Variants in TACC2 observed in about 807,000 individuals in gnomAD.
TACC2 encodes the protein transforming acidic coiled-coil-containing protein 2.
A neutral mutation model predicts 227.3 loss-of-function variants in TACC2; 137 were observed. The observed-to-expected ratio is 0.60, with a 90% CI of 0.52 to 0.69. TACC2 has a LOEUF of 0.69. TACC2 is among the 30% of genes least tolerant of loss of function. TACC2 has a pLI of 0.00. For synonymous variants in TACC2, 1,523 were observed against 1,487.5 expected (o/e 1.02, Z -0.55); for missense variants, 3,470 against 3,694.4 (o/e 0.94, Z 1.57).
At chr10:122,134,446 T>C (rs1565398863) in intron 6 of TACC2, among the ~76,000 whole-genome samples, 1 of 152,192 alleles carries the variant, frequency 6.6e-6, no homozygotes, top group Non-Finnish European at 1.5e-5. Context: ...CCCAAAGTGC[T>C]GGGATTACAG....
At chr10:122,249,295 G>C (rs541317883) in intron 21 of TACC2, 139 bp downstream of exon 21, 2 of 738,680 alleles carry the variant, frequency 2.7e-6, no homozygotes, top group East Asian at 2.7e-5. Flanking sequence ...AATAAGACTC[G>C]AGAGAAGGCA....
chr10:122,097,280 G>T (rs2081553053), intron 5 of TACC2, among the ~76,000 whole-genome samples: 1 of 152,180 alleles, frequency 6.6e-6, no homozygotes, highest in Non-Finnish European at 1.5e-5. Context: ...AGTGAGCCAA[G>T]GTCATACCAC....
At chr10:122,067,113 T>C (rs533231398) in intron 3 of TACC2, among the ~76,000 whole-genome samples, 2 of 152,368 alleles carry the variant, frequency 1.3e-5, no homozygotes, top group South Asian at 4.1e-4. Context: ...TTTACTTGCA[T>C]AGTTACCATT....
chr10:122,219,311 C>T lies in TACC2; in HGVS notation c.7546+2483C>T, dbSNP rs187616156. 1.1e-4 allele frequency among the ~76,000 whole-genome samples: 16 copies of T among 152,106 alleles called. No individual in the cohort carries two copies. In the East Asian group the frequency reaches 3.1e-3, roughly 30 times the overall value. On this transcript the variant is annotated intron_variant, in intron 11 of 22. Transcript: ENST00000369005. Reference sequence around the variant, plus strand: ...CCTTTCCCTGGAATTCCGCTCCTGGCTCTGCCCGCCTTCAGTGCTTGATCT... The same window carrying T: ...CCTTTCCCTGGAATTCCGCTCCTGGTTCTGCCCGCCTTCAGTGCTTGATCT...
At chr10:122,105,204 T>C (rs2082610232) in intron 5 of TACC2, among the ~76,000 whole-genome samples, 1 of 152,064 alleles carries the variant, frequency 6.6e-6, no homozygotes, top group African/African-American at 2.4e-5. Context: ...AACTTTGATT[T>C]AGACTCCCAG....
At chr10:122,001,059 G>A (rs140351509) in intron 1 of TACC2, among the ~76,000 whole-genome samples, 20,990 of 152,198 alleles carry the variant, frequency 0.14, 2,082 homozygotes, top group African/African-American at 0.28. Flanking sequence ...CTGACCTCTG[G>A]TCATCCACCT....
At position 122,154,487 on chromosome 10, in the gene TACC2, G is replaced by A. The variant is rs1269766623; in HGVS notation, c.5834+10781G>A. ...GCCAAACTGATGCCTAATAGCCTCT[G>A]CAGGCTGTTAGGAAACCTTGTCATG... On this transcript the variant is annotated intron_variant, in intron 7 of 22. Transcript: ENST00000369005. Among the ~76,000 whole-genome samples the A allele has an allele frequency of 5.9e-5, 9 of 152,358 alleles. No individual in the cohort carries two copies. The South Asian group carries it at 1.5e-3, about 25-fold the overall frequency.
chr10:122,058,856 G>T (rs939591540), intron 3 of TACC2, among the ~76,000 whole-genome samples: 3 of 150,640 alleles, frequency 2.0e-5, no homozygotes, highest in African/African-American at 7.3e-5. Context: ...GTGAGAGCTA[G>T]GCCATGCGTG....
chr10:122,245,637 G>A (rs1454173932), intron 19 of TACC2, among the ~76,000 whole-genome samples: 4 of 152,074 alleles, frequency 2.6e-5, no homozygotes, highest in African/African-American at 7.2e-5. Context: ...GGTTGTTGGC[G>A]ATTCTATGTT....
Position 122,039,716 on chromosome 10 carries a change from T to G in TACC2, c.34-10722T>G, listed in dbSNP as rs79859077. 1.4e-3 allele frequency among the ~76,000 whole-genome samples: 211 copies of G among 152,364 alleles called. No homozygotes were observed. In the East Asian group the frequency reaches 0.035, roughly 26 times the overall value. On this transcript the variant is annotated intron_variant, in intron 2 of 22. Transcript: ENST00000369005. ...ATTAATTGCTGCATTAATTACAAAC[T>G]GATTTATCTTATTCAAGTAGTCAAT...
intron 13 of TACC2, 120 bp downstream of exon 13, chr10:122,226,601 CAT>C (rs201070235): frequency 0.061 from 35,777 of 582,070 alleles, 47 homozygotes; most frequent in South Asian, 0.12. Context: ...TGACATGCCA[CAT>C]ATTTTTTTTT....
intron 2 of TACC2, among the ~76,000 whole-genome samples, chr10:122,043,501 T>C (rs1283627548): frequency 1.4e-5 from 2 of 147,082 alleles, no homozygotes; most frequent in African/African-American, 4.9e-5. Context: ...CTTTCTTTCT[T>C]TTTCTCTTTC....
Position 122,086,246 on chromosome 10 carries a change from A to C in TACC2, c.3746A>C (p.Glu1249Ala). Residue 1249 changes from glutamate to alanine, a missense_variant, in exon 4 of 23, where the codon GAA becomes GCA. Transcript: ENST00000369005. The part of the protein sequence containing the change: ...HVDSAAQRGA[E>A]DSGVKAVSSA... ...GACAGTGCTGCCCAGAGAGGAGCAG[A>C]AGACAGTGGAGTGAAAGCTGTTTCC... is the stretch of plus-strand genomic sequence containing the variant. 1 of 1,613,952 alleles carries C rather than the reference A, an allele frequency of 6.2e-7. No individual in the cohort carries two copies. Among genetic ancestry groups the C allele is most frequent in the African/African-American group, 1.3e-5 (1 of 75,048 alleles).
chr10:122,075,196 A>AGAAAG (rs1554997792), intron 3 of TACC2, among the ~76,000 whole-genome samples: 1 of 108,566 alleles, frequency 9.2e-6, no homozygotes, highest in African/African-American at 4.4e-5. Context: ...GCCAAAAAAA[A>AGAAAG]AAAAAAAGAA....
At chr10:122,248,600 A>G in intron 19 of TACC2, 43 bp from the exon 20 acceptor site, 1 of 1,610,516 alleles carries the variant, frequency 6.2e-7, no homozygotes, top group Non-Finnish European at 8.5e-7. Flanking sequence ...CCCAGTTTGG[A>G]CTTTCTGGGC....
At chr10:122,234,104 G>A (rs1299720944) in intron 16 of TACC2, among the ~76,000 whole-genome samples, 5 of 152,284 alleles carry the variant, frequency 3.3e-5, no homozygotes, top group Middle Eastern at 3.4e-3. Context: ...TCCCAGCCTC[G>A]GATGGCAGGT....
chr10:122,120,075 C>A (rs2085441682), intron 5 of TACC2, among the ~76,000 whole-genome samples: 1 of 152,152 alleles, frequency 6.6e-6, no homozygotes. Context: ...CAACAGTAGT[C>A]CAATTTTAAG....
chr10:122,021,155 G>A (rs1238404800), intron 1 of TACC2, among the ~76,000 whole-genome samples: 1 of 151,614 alleles, frequency 6.6e-6, no homozygotes, highest in African/African-American at 2.4e-5. Flanking sequence ...CTTGAACCCA[G>A]GAGGTGGAAG....
chr10:122,109,958 A>G (rs1393773902), intron 5 of TACC2, among the ~76,000 whole-genome samples: 1 of 152,150 alleles, frequency 6.6e-6, no homozygotes, highest in Admixed American at 6.6e-5. Flanking sequence ...TTCCCTCCGA[A>G]TGAACCTCTT....
Sources: allele counts gnomAD v4.1 joint callset (sites outside exome capture counted in the v4.1 genomes callset), GRCh38; gene constraint gnomAD v4.1.1; transcripts MANE v1.5; gene names NCBI Gene and HGNC (gene_info 2026-07-23, HGNC 2026-07-21).